NEDD9: variants seen among roughly 807,000 people sequenced by gnomAD.
The protein encoded by NEDD9 is enhancer of filamentation 1.
A neutral mutation model predicts 76.6 loss-of-function variants in NEDD9; 26 were observed. The observed-to-expected ratio is 0.34, with a 90% CI of 0.25 to 0.47. NEDD9 has a LOEUF of 0.47. Ranked by LOEUF, NEDD9 falls within the 20% of genes least tolerant of loss-of-function variation. NEDD9 has a pLI of 1.00. For synonymous variants in NEDD9, 392 were observed against 414.2 expected (o/e 0.95, Z 0.65); for missense variants, 937 against 1,058.5 (o/e 0.89, Z 1.59).
chr6:11,328,857 C>G (rs1442816810), intron 2 of NEDD9: 1 of 152,238 alleles, frequency 6.6e-6, no homozygotes, highest in Non-Finnish European at 1.5e-5. Context: ...GCCAAGACGC[C>G]CTCTCCATGA....
At chr6:11,261,804 C>T (rs1373992352) in intron 3 of NEDD9, among the ~76,000 whole-genome samples, 1 of 131,766 alleles carries the variant, frequency 7.6e-6, no homozygotes, top group African/African-American at 3.2e-5. Context: ...CTAAAATTCC[C>T]AAACAACTAA....
intron 4 of NEDD9, among the ~76,000 whole-genome samples, chr6:11,192,032 C>A (rs557227096): frequency 1.1e-4 from 16 of 152,216 alleles, no homozygotes; most frequent in Admixed American, 8.5e-4. Context: ...ACAAAACAAA[C>A]CCTCTACAAA....
intron 1 of NEDD9, among the ~76,000 whole-genome samples, chr6:11,337,746 C>A (rs558801887): frequency 6.6e-6 from 1 of 152,298 alleles, no homozygotes; most frequent in African/African-American, 2.4e-5. Flanking sequence ...ATGCCTTTAG[C>A]TGGCATGGAT....
chr6:11,198,493 T>C lies in NEDD9; in HGVS notation c.460-4801A>G, dbSNP rs1332023608. 3 of 152,292 alleles carry C rather than the reference T, an allele frequency of 2.0e-5. No individual in the cohort carries two copies. The highest frequency in any genetic ancestry group is 7.2e-5 in the African/African-American group (3 of 41,460). The allele number at this position is 152,292 out of a possible 1,614,324, so 9.4% of individuals were successfully genotyped here. A position where few individuals can be genotyped will look rare whatever the true frequency, so the allele number is the denominator to read the frequency against. ...CTTTAATTGATTTTCAAGGCCCGGC[T>C]GAATGCCTTTCCCCCACCAAGCCCT... On this transcript the variant is annotated intron_variant, in intron 2 of 6. Coordinates refer to ENST00000379446, the MANE Select transcript of NEDD9 (RefSeq NM_006403.4). This position sits in a 1 kb window ranked among gnomAD's most constrained non-coding sequence, Gnocchi z 4.7.
At chr6:11,319,549 C>G (rs917007089) in intron 2 of NEDD9, among the ~76,000 whole-genome samples, 1 of 149,258 alleles carries the variant, frequency 6.7e-6, no homozygotes, top group African/African-American at 2.5e-5. Flanking sequence ...CGGACACACA[C>G]TAACATGCGG....
At chr6:11,337,100 C>A (rs1762176706) in intron 1 of NEDD9, among the ~76,000 whole-genome samples, 1 of 152,142 alleles carries the variant, frequency 6.6e-6, no homozygotes, top group East Asian at 1.9e-4. Flanking sequence ...TGCCTGTGGT[C>A]CCAGCTACTC....
intron 3 of NEDD9, among the ~76,000 whole-genome samples, chr6:11,263,517 G>T (rs553941680): frequency 7.2e-5 from 11 of 152,310 alleles, no homozygotes; most frequent in African/African-American, 1.7e-4. Context: ...TCTGTCTGGC[G>T]CATGGATGGC....
chr6:11,202,532 C>T (rs1472780282), intron 2 of NEDD9, among the ~76,000 whole-genome samples: 1 of 152,166 alleles, frequency 6.6e-6, no homozygotes, highest in Non-Finnish European at 1.5e-5. Flanking sequence ...CAGAGGTTTG[C>T]CTGCTTAAAA....
intron 2 of NEDD9, among the ~76,000 whole-genome samples, chr6:11,195,355 T>C (rs1758265485): frequency 6.6e-6 from 1 of 152,228 alleles, no homozygotes; most frequent in African/African-American, 2.4e-5. Context: ...GGAACCACTT[T>C]ATAGAATGGC....
At chr6:11,305,712 A>G (rs1761167939) in intron 3 of NEDD9, 1 of 462,870 alleles carries the variant, frequency 2.2e-6, no homozygotes, top group African/African-American at 2.0e-5. Context: ...CTCGGGCACC[A>G]TTATGTTAAG....
intron 2 of NEDD9, 85 bp from the exon 3 acceptor site, chr6:11,193,777 A>C: frequency 2.5e-6 from 2 of 795,870 alleles, no homozygotes; most frequent in Non-Finnish European, 4.1e-6. Flanking sequence ...CTCATCCCTC[A>C]ACTCTCCCTC....
rs556145015 is a variant in NEDD9, at chr6:11,352,994, T to C, written c.-213-18433A>G. 4.6e-5 allele frequency among the ~76,000 whole-genome samples: 7 copies of C among 152,402 alleles called. 1 individual carries two copies. The highest frequency in any genetic ancestry group is 1.7e-4 in the African/African-American group (7 of 41,600). The stretch of plus-strand genomic sequence containing the variant: ...CAAGCACAAATGTGTCCTTGGCTTT[T>C]GCCCTCCAGTGGATTCTCCTGCCCT... On this transcript the variant is annotated intron_variant, in intron 1 of 3. Transcript: ENST00000397378.
intron 2 of NEDD9, among the ~76,000 whole-genome samples, chr6:11,332,169 G>A (rs947787108): frequency 6.6e-6 from 1 of 152,210 alleles, no homozygotes; most frequent in Non-Finnish European, 1.5e-5. Flanking sequence ...AGTAAGGCAA[G>A]ATCTATGAAA....
chr6:11,295,843 C>T (rs537068485), intron 3 of NEDD9, among the ~76,000 whole-genome samples: 1 of 152,314 alleles, frequency 6.6e-6, no homozygotes, highest in East Asian at 1.9e-4. Flanking sequence ...GGGAATGCAA[C>T]CTGTGGTGTT....
intron 1 of NEDD9, among the ~76,000 whole-genome samples, chr6:11,221,575 C>A (rs1759147748): frequency 6.6e-6 from 1 of 152,060 alleles, no homozygotes; most frequent in Non-Finnish European, 1.5e-5. Context: ...AGCGGCAGAG[C>A]CAGAGCTAGC....
At position 11,252,468 on chromosome 6, in the gene NEDD9, C is replaced by G. The variant is rs185942147; in HGVS notation, c.13-38741G>C. The stretch of plus-strand genomic sequence containing the variant: ...GCAAGATCTATGTTAATAGAATTCT[C>G]TATGGCTCTCCATCCTTTAAACAAA... On this transcript the variant is annotated intron_variant, in intron 3 of 3. Transcript: ENST00000397378. This position sits in a 1 kb window ranked among gnomAD's most constrained non-coding sequence, Gnocchi z 4.3. Among the ~76,000 whole-genome samples the G allele has an allele frequency of 7.9e-5, 12 of 152,314 alleles. No individual in the cohort carries two copies. Among genetic ancestry groups the G allele is most frequent in the African/African-American group, 2.9e-4 (12 of 41,562 alleles).
At chr6:11,274,045 CA>C (rs1475971483) in intron 3 of NEDD9, among the ~76,000 whole-genome samples, 1 of 152,074 alleles carries the variant, frequency 6.6e-6, no homozygotes, top group East Asian at 1.9e-4. Context: ...AGGCAAAATC[CA>C]AAAGTTGTTT....
At chr6:11,232,281 C>T (rs1204222202) in intron 1 of NEDD9, among the ~76,000 whole-genome samples, 2 of 152,240 alleles carry the variant, frequency 1.3e-5, no homozygotes, top group Admixed American at 6.5e-5. Context: ...CGGCAACTTT[C>T]AGAGCAGATG....
intron 2 of NEDD9, among the ~76,000 whole-genome samples, chr6:11,212,199 T>C (rs1348007374): frequency 3.9e-5 from 6 of 152,374 alleles, no homozygotes; most frequent in African/African-American, 1.4e-4. Flanking sequence ...ATCTTTCCTC[T>C]TGTAATTCAG....
Sources: allele counts gnomAD v4.1 joint callset (sites outside exome capture counted in the v4.1 genomes callset), GRCh38; gene constraint gnomAD v4.1.1; non-coding constraint Gnocchi (gnomAD v3.1); transcripts MANE v1.5; gene names NCBI Gene and HGNC (gene_info 2026-07-23, HGNC 2026-07-21).